The following GREM1 variants were observed in gnomAD, a reference collection of about 807,000 sequenced individuals.
GREM1 encodes the protein gremlin-1.
Under a neutral mutation model 13.1 loss-of-function variants are expected in GREM1, and 6 were observed. The ratio of observed to expected loss-of-function variants is 0.46; its 90% CI spans 0.25 to 0.91. GREM1 has a LOEUF of 0.91. Among genes scored for constraint, GREM1 ranks in the 40% least tolerant of loss-of-function variants. The pLI is 0.18. For synonymous variants in GREM1, 98 were observed against 93.7 expected, an observed-to-expected ratio of 1.05 and a Z score of -0.27; for missense variants, 185 against 233.9, an observed-to-expected ratio of 0.79 and a Z score of 1.36.
At chr15:32,722,819 G>A (rs1470601641) in intron 1 of GREM1, among the ~76,000 whole-genome samples, 2 of 152,218 alleles carry the variant, frequency 1.3e-5, no homozygotes, top group African/African-American at 4.8e-5. Context: ...AGACTTGCTG[G>A]TGGACAGTTG....
At chr15:32,719,745 T>A (rs2055373481) in intron 1 of GREM1, among the ~76,000 whole-genome samples, 1 of 152,200 alleles carries the variant, frequency 6.6e-6, no homozygotes, top group Admixed American at 6.5e-5. Context: ...GAGTAGTGGC[T>A]TCCTTCTGGC....
At chr15:32,718,826 G>T (rs541079277) in intron 1 of GREM1, 11 of 302,702 alleles carry the variant, frequency 3.6e-5, no homozygotes, top group Non-Finnish European at 5.2e-5. Flanking sequence ...CGAACCCGCA[G>T]TGCTCACAAG....
Position 32,742,690 on chromosome 15 carries a change from G to A in GREM1, c.*11445G>A, listed in dbSNP as rs112269663. 9.2e-4 allele frequency: 140 copies of A among 152,270 alleles called. 1 individual carries two copies. The highest frequency in any genetic ancestry group is 3.3e-3 in the African/African-American group (137 of 41,554). 9.4% of individuals were successfully genotyped at this position (152,270 alleles called of 1,614,324 possible). ...ATAAAGACAAACACACAGACCAATA[G>A]AACAGAATAGAGAGCTCAGCAACAA... On this transcript the variant is annotated 3_prime_UTR_variant, in exon 2 of 2. Transcript: ENST00000651154.
rs886336160 is a variant in GREM1, at chr15:32,738,316, G to A, written c.*7071G>A. 1.3e-5 allele frequency: 2 copies of A among 151,632 alleles called. No homozygotes were observed. Among genetic ancestry groups the A allele is most frequent in the East Asian group, 3.9e-4 (2 of 5,190 alleles). The allele number at this position is 151,632 out of a possible 1,614,324, so 9.4% of individuals were successfully genotyped here. On this transcript the variant is annotated 3_prime_UTR_variant, in exon 2 of 2. Coordinates refer to ENST00000651154, the MANE Select transcript of GREM1 (RefSeq NM_013372.7). Reference sequence around the variant, plus strand: ...GATATAAATTGTATTCTACACACTTGTAATGAAAAATCTGAAAATAAAATT... The same window carrying A: ...GATATAAATTGTATTCTACACACTTATAATGAAAAATCTGAAAATAAAATT...
In GREM1 at chr15:32,739,811, T is replaced by C. The variant is rs533009354; in HGVS notation, c.*8566T>C. 6.6e-6 allele frequency: 1 copy of C among 152,336 alleles called. No homozygotes were observed. Among genetic ancestry groups the C allele is most frequent in the African/African-American group, 2.4e-5 (1 of 41,574 alleles). 9.4% of individuals were successfully genotyped at this position (152,336 alleles called of 1,614,324 possible). A position where few individuals can be genotyped will look rare whatever the true frequency, so the allele number is the denominator to read the frequency against. On this transcript the variant is annotated 3_prime_UTR_variant, in exon 2 of 2. Transcript: ENST00000651154. ...CAGTGCCATGTAGTCAGCAAGAGAC[T>C]CCCTAGCACTCAGTTTCTCCCAGGT...
chr15:32,730,897 C>T lies in GREM1; in HGVS notation c.207C>T (p.Pro69=). The T allele has an allele frequency of 1.2e-6, 2 of 1,613,550 alleles. No individual in the cohort carries two copies. Among genetic ancestry groups the T allele is most frequent in the Non-Finnish European group, 8.5e-7 (1 of 1,179,832 alleles). Residue 69 remains proline (P), a synonymous_variant, in exon 2 of 2, where the codon CCC becomes CCT. Transcript: ENST00000651154. ...GCCAAGGGCGGGGCACTGCCATGCC[C>T]GGGGAGGAGGTGCTGGAGTCCAGCC... ...GRGQGRGTAM[P]GEEVLESSQE...
Position 32,740,762 on chromosome 15 carries a change from C to T in GREM1, c.*9517C>T, listed in dbSNP as rs370734968. The T allele has an allele frequency of 3.3e-5, 5 of 152,084 alleles. No homozygotes were observed. The highest frequency in any genetic ancestry group is 1.9e-4 in the East Asian group (1 of 5,196). 9.4% of individuals were successfully genotyped at this position (152,084 alleles called of 1,614,324 possible). On this transcript the variant is annotated 3_prime_UTR_variant, in exon 2 of 2. Coordinates refer to ENST00000651154, the MANE Select transcript of GREM1 (RefSeq NM_013372.7). ...CCCAAAGGTCATAAAAAAGTGATCC[C>T]AAAGCCTACAGGCATATTATAAGTT...
intron 1 of GREM1, among the ~76,000 whole-genome samples, chr15:32,724,925 G>A (rs1181036417): frequency 6.6e-6 from 1 of 152,022 alleles, no homozygotes; most frequent in Admixed American, 6.6e-5. Flanking sequence ...TGCTGAGAAT[G>A]ATGGTTTTTG....
At chr15:32,729,482 C>T (rs2055574763) in intron 1 of GREM1, among the ~76,000 whole-genome samples, 1 of 152,180 alleles carries the variant, frequency 6.6e-6, no homozygotes, top group Non-Finnish European at 1.5e-5. Flanking sequence ...CCTTTACTAC[C>T]TCCCCTGAAC....
chr15:32,736,784 T>G lies in GREM1; in HGVS notation c.*5539T>G, dbSNP rs1255327936. Reference sequence around the variant, plus strand: ...AATGACAGTACGATCAAACCATGCATGGCCCTGCCTGCATGTGGGAATCCT... The same window carrying G: ...AATGACAGTACGATCAAACCATGCAGGGCCCTGCCTGCATGTGGGAATCCT... On this transcript the variant is annotated 3_prime_UTR_variant, in exon 2 of 2. Coordinates refer to ENST00000651154, the MANE Select transcript of GREM1 (RefSeq NM_013372.7). 1.3e-5 allele frequency: 2 copies of G among 152,206 alleles called. No homozygotes were observed. Among genetic ancestry groups the G allele is most frequent in the African/African-American group, 4.8e-5 (2 of 41,448 alleles). 9.4% of individuals were successfully genotyped at this position (152,206 alleles called of 1,614,324 possible).
chr15:32,734,235 T>G lies in GREM1; in HGVS notation c.*2990T>G. ...AAGGTTAACATTTCTAAAGCAATATTAAGAAAGACTTTAAATGTTATTTTG... is the reference window on the plus strand; with the variant it reads ...AAGGTTAACATTTCTAAAGCAATATGAAGAAAGACTTTAAATGTTATTTTG... On this transcript the variant is annotated 3_prime_UTR_variant, in exon 2 of 2. Transcript: ENST00000651154. 4.1e-6 allele frequency: 1 copy of G among 242,576 alleles called. No homozygotes were observed. Among genetic ancestry groups the G allele is most frequent in the Non-Finnish European group, 8.7e-6 (1 of 114,768 alleles). 15.0% of individuals were successfully genotyped at this position (242,576 alleles called of 1,614,324 possible).
In GREM1 at chr15:32,733,238, A is replaced by G. The variant is rs1129488; in HGVS notation, c.*1993A>G. ...TTTGTATTGTCCACATTCTCCAACAATAAAGCACAGAGTGGATTTAATTAA... is the reference window on the plus strand; with the variant it reads ...TTTGTATTGTCCACATTCTCCAACAGTAAAGCACAGAGTGGATTTAATTAA... On this transcript the variant is annotated 3_prime_UTR_variant, in exon 2 of 2. Coordinates refer to ENST00000651154, the MANE Select transcript of GREM1 (RefSeq NM_013372.7). 4.4e-6 allele frequency: 1 copy of G among 225,422 alleles called. No homozygotes were observed. Among genetic ancestry groups the G allele is most frequent in the African/African-American group, 2.3e-5 (1 of 44,178 alleles). 14.0% of individuals were successfully genotyped at this position (225,422 alleles called of 1,614,324 possible). A position where few individuals can be genotyped will look rare whatever the true frequency, so the allele number is the denominator to read the frequency against.
Position 32,730,830 on chromosome 15 carries a change from C to T in GREM1, c.140C>T (p.Thr47Ile), listed in dbSNP as rs545952537. 6.8e-5 allele frequency: 110 copies of T among 1,613,944 alleles called. 1 individual carries two copies. In the South Asian group the frequency reaches 1.1e-3, roughly 17 times the overall value. ...GCCCAGCACAATGACTCAGAGCAGA[C>T]TCAGTCGCCCCAGCAGCCTGGCTCC... ...DKAQHNDSEQ[T>I]QSPQQPGSRN... The change falls in exon 2 of 2, where the codon ACT (threonine) becomes ATT (isoleucine). Residue 47 changes from threonine (T) to isoleucine (I), a missense_variant. By Grantham distance (89) the Thr-to-Ile change is moderately conservative. Coordinates refer to ENST00000651154, the MANE Select transcript of GREM1 (RefSeq NM_013372.7).
chr15:32,726,435 C>A (rs1016337789), intron 1 of GREM1, among the ~76,000 whole-genome samples: 1 of 152,124 alleles, frequency 6.6e-6, no homozygotes, highest in African/African-American at 2.4e-5. Flanking sequence ...TAAATAGGTT[C>A]TTTGAAAGAA....
At chr15:32,724,741 A>G (rs1360814304) in intron 1 of GREM1, among the ~76,000 whole-genome samples, 1 of 151,930 alleles carries the variant, frequency 6.6e-6, no homozygotes, top group Admixed American at 6.6e-5. Context: ...TGCACCCATC[A>G]ACCCATCATC....
At position 32,744,686 on chromosome 15, in the gene GREM1, T is replaced by G. The variant is rs1342806832; in HGVS notation, c.*13441T>G. On this transcript the variant is annotated 3_prime_UTR_variant, in exon 2 of 2. Transcript: ENST00000651154. ...AAACAATGTTACTCTCTTTGTACATTGTACAGATGCAGGATAACAATGCAG... is the reference window on the plus strand; with the variant it reads ...AAACAATGTTACTCTCTTTGTACATGGTACAGATGCAGGATAACAATGCAG... 2 of 152,062 alleles carry G rather than the reference T, an allele frequency of 1.3e-5. No homozygotes were observed. Among genetic ancestry groups the G allele is most frequent in the Non-Finnish European group, 2.9e-5 (2 of 68,006 alleles). The allele number at this position is 152,062 out of a possible 1,614,324, so 9.4% of individuals were successfully genotyped here.
Position 32,734,313 on chromosome 15 carries a change from C to T in GREM1, c.*3068C>T. On this transcript the variant is annotated 3_prime_UTR_variant, in exon 2 of 2. Coordinates refer to ENST00000651154, the MANE Select transcript of GREM1 (RefSeq NM_013372.7). The stretch of plus-strand genomic sequence containing the variant: ...GAATAGCAGATAATGATGACTAGTT[C>T]ACACATAAAGTCCTTTTAAGGAGAA... 4.1e-6 allele frequency: 1 copy of T among 245,900 alleles called. No individual in the cohort carries two copies. The highest frequency in any genetic ancestry group is 8.6e-6 in the Non-Finnish European group (1 of 116,800). The allele number at this position is 245,900 out of a possible 1,614,324, so 15.2% of individuals were successfully genotyped here.
At position 32,731,238 on chromosome 15, in the gene GREM1, T is replaced by C; in HGVS notation, c.548T>C (p.Leu183Ser). The C allele has an allele frequency of 1.2e-6, 2 of 1,612,720 alleles. No individual in the cohort carries two copies. The highest frequency in any genetic ancestry group is 1.7e-6 in the Non-Finnish European group (2 of 1,179,110). Residue 183 changes from leucine (L) to serine (S), a missense_variant, in exon 2 of 2, where the codon TTG becomes TCG. Leu to Ser is a moderately radical substitution (Grantham distance 145). Coordinates refer to ENST00000651154, the MANE Select transcript of GREM1 (RefSeq NM_013372.7). ...VKQCRCISID[L>S]D ...CAGTGTCGTTGCATATCCATCGATTTGGATTAAGCCAAATCCAGGTGCACC... is the reference window on the plus strand; with the variant it reads ...CAGTGTCGTTGCATATCCATCGATTCGGATTAAGCCAAATCCAGGTGCACC...
rs1306689319 is a variant in GREM1, at chr15:32,733,337, C to T, written c.*2092C>T. 1 of 224,828 alleles carries T rather than the reference C, an allele frequency of 4.4e-6. No individual in the cohort carries two copies. The highest frequency in any genetic ancestry group is 5.9e-5 in the Admixed American group (1 of 16,948). The allele number at this position is 224,828 out of a possible 1,614,324, so 13.9% of individuals were successfully genotyped here. On this transcript the variant is annotated 3_prime_UTR_variant, in exon 2 of 2. Transcript: ENST00000651154. The stretch of plus-strand genomic sequence containing the variant: ...GAAAGAAGCTGAAAATGTAAAACCA[C>T]ACCAGGGAGGAAAAATGACATTCAG...
Sources: allele counts gnomAD v4.1 joint callset (sites outside exome capture counted in the v4.1 genomes callset), GRCh38; gene constraint gnomAD v4.1.1; transcripts MANE v1.5; gene names NCBI Gene and HGNC (gene_info 2026-07-23, HGNC 2026-07-21).